CPE: variants seen among roughly 807,000 people sequenced by gnomAD.
The protein encoded by CPE is carbocypeptidase E.
CPE carries 17 observed loss-of-function variants against 53.5 expected under a neutral mutation model. The ratio of observed to expected loss-of-function variants is 0.32; its 90% CI spans 0.22 to 0.48. The LOEUF (loss-of-function observed/expected upper bound fraction) is 0.48, where lower values mean the gene tolerates loss of function less well. Among genes scored for constraint, CPE ranks in the 20% least tolerant of loss-of-function variants. The probability of loss-of-function intolerance (pLI) is 0.99; values close to 1 mark genes in which losing one functional copy is unlikely to be tolerated. For missense variants in CPE, 524 were observed against 614.7 expected (o/e 0.85, Z 1.56); for synonymous variants, 226 against 228.8 (o/e 0.99, Z 0.11).
intron 1 of CPE, among the ~76,000 whole-genome samples, chr4:165,401,728 T>C (rs1579244448): frequency 6.6e-6 from 1 of 152,182 alleles, no homozygotes; most frequent in African/African-American, 2.4e-5. Flanking sequence ...TGAAATACTT[T>C]TGGAAAGATT....
At chr4:165,473,144 AAT>A (rs1269976837) in intron 3 of CPE, among the ~76,000 whole-genome samples, 1 of 152,232 alleles carries the variant, frequency 6.6e-6, no homozygotes, top group Non-Finnish European at 1.5e-5. Context: ...ACTTTTTAAA[AAT>A]AAATTCTCTT....
chr4:165,497,135 G>T (rs538580493), intron 8 of CPE, among the ~76,000 whole-genome samples: 1 of 152,024 alleles, frequency 6.6e-6, no homozygotes, highest in Non-Finnish European at 1.5e-5. Flanking sequence ...TTGGTCAGGC[G>T]GGCCTCGAAT....
rs1730601486 is a variant in CPE at position 165,386,861 on chromosome 4, A to G, written c.307+7333A>G. 5.9e-5 allele frequency among the ~76,000 whole-genome samples: 9 copies of G among 152,274 alleles called. No individual in the cohort carries two copies. The South Asian group carries it at 1.9e-3, about 32-fold the overall frequency. ...TGTGTGCTTGTTTTTAACACAGAAGATATGTATCTCCAGGTTTTCATTTTC... is the reference window on the plus strand; with the variant it reads ...TGTGTGCTTGTTTTTAACACAGAAGGTATGTATCTCCAGGTTTTCATTTTC... On this transcript the variant is annotated intron_variant, in intron 1 of 8. Coordinates refer to ENST00000402744, the MANE Select transcript of CPE (RefSeq NM_001873.4).
At chr4:165,471,890 A>G (rs955188568) in intron 3 of CPE, among the ~76,000 whole-genome samples, 6 of 152,236 alleles carry the variant, frequency 3.9e-5, no homozygotes, top group African/African-American at 9.6e-5. Context: ...TGGTAAAATA[A>G]CCAGTTTCTC....
At chr4:165,468,112 G>A (rs1164512579) in intron 3 of CPE, among the ~76,000 whole-genome samples, 1 of 152,066 alleles carries the variant, frequency 6.6e-6, no homozygotes, top group Non-Finnish European at 1.5e-5. Flanking sequence ...AAATCACCAT[G>A]GCCTTCTCAG....
intron 3 of CPE, among the ~76,000 whole-genome samples, chr4:165,479,590 TTAACA>T (rs1211290909): frequency 6.6e-6 from 1 of 152,214 alleles, no homozygotes; most frequent in African/African-American, 2.4e-5. Flanking sequence ...TGTTATGTAC[TTAACA>T]TAAATATCTT....
intron 1 of CPE, chr4:165,405,108 A>T (rs148124127): frequency 0.017 from 12,305 of 739,338 alleles, 172 homozygotes; most frequent in Non-Finnish European, 0.02. Flanking sequence ...CTTTCAAATG[A>T]CGTTAGAGCT....
chr4:165,472,510 G>A (rs1732226478), intron 3 of CPE, among the ~76,000 whole-genome samples: 1 of 152,142 alleles, frequency 6.6e-6, no homozygotes, highest in Non-Finnish European at 1.5e-5. Flanking sequence ...CAGAATTATA[G>A]GAGCTTTGTA....
intron 1 of CPE, among the ~76,000 whole-genome samples, chr4:165,385,980 C>G (rs1450367512): frequency 1.3e-5 from 2 of 152,154 alleles, no homozygotes; most frequent in African/African-American, 4.8e-5. Flanking sequence ...TTTCTTTATG[C>G]TTCCATATTT....
intron 3 of CPE, among the ~76,000 whole-genome samples, chr4:165,477,561 T>C (rs1343742131): frequency 6.6e-6 from 1 of 152,166 alleles, no homozygotes; most frequent in Non-Finnish European, 1.5e-5. Context: ...ATTAATGTTA[T>C]TATACATTCC....
At chr4:165,489,007 T>C (rs1429409069) in intron 6 of CPE, among the ~76,000 whole-genome samples, 1 of 152,244 alleles carries the variant, frequency 6.6e-6, no homozygotes, top group African/African-American at 2.4e-5. Context: ...GGATTCTTTT[T>C]AAATCAATGG....
At chr4:165,387,888 C>A (rs916246613) in intron 1 of CPE, among the ~76,000 whole-genome samples, 1 of 152,174 alleles carries the variant, frequency 6.6e-6, no homozygotes, top group Non-Finnish European at 1.5e-5. Context: ...TCCCAAAGTG[C>A]TGGGATTACA....
At chr4:165,397,998 G>A (rs900666030) in intron 1 of CPE, among the ~76,000 whole-genome samples, 3 of 148,566 alleles carry the variant, frequency 2.0e-5, no homozygotes, top group Admixed American at 6.8e-5. Context: ...GCTGCAGTGG[G>A]CTATGATTGC....
chr4:165,493,211 G>C lies in CPE; in HGVS notation c.1154G>C (p.Gly385Ala). The C allele has an allele frequency of 1.2e-6, 2 of 1,614,042 alleles. No individual in the cohort carries two copies. Among genetic ancestry groups the C allele is most frequent in the Non-Finnish European group, 1.7e-6 (2 of 1,179,956 alleles). Reference protein sequence around the residue: ...GVKGFVRDLQGNPIANATISV... With the variant: ...GVKGFVRDLQANPIANATISV... ...AAAGGATTTGTCCGAGACCTTCAAG[G>C]TAACCCAATTGCGAATGCCACCATC... The change falls in exon 7 of 9, where the codon GGT becomes GCT. Residue 385 changes from glycine to alanine, a missense_variant. Gly to Ala is a moderately conservative substitution (Grantham distance 60, BLOSUM62 0). Transcript: ENST00000402744.
In CPE at chr4:165,417,776, T is replaced by TA. The variant is rs1202386046; in HGVS notation, c.307+38262dup. On this transcript the variant is annotated intron_variant, in intron 1 of 8. Coordinates refer to ENST00000402744, the MANE Select transcript of CPE (RefSeq NM_001873.4). Reference sequence around the variant, plus strand: ...TACAACTTTAATATTTTGTCTGTCTTAAAAAAAAAAAAAAGACATTAAATC... The same window carrying TA: ...TACAACTTTAATATTTTGTCTGTCTTAAAAAAAAAAAAAAAGACATTAAATC... 1.3e-3 allele frequency among the ~76,000 whole-genome samples: 171 copies of TA among 127,248 alleles called. 2 individuals carry two copies. The highest frequency in any genetic ancestry group is 6.4e-3 in the Admixed American group (82 of 12,824). 83.5% of individuals were successfully genotyped at this position (127,248 alleles called of 152,430 possible).
rs764335677 is a variant in CPE, at chr4:165,495,648, G to A, written c.1303G>A (p.Val435Met). 6.2e-7 allele frequency: 1 copy of A among 1,613,628 alleles called. No homozygotes were observed. Among genetic ancestry groups the A allele is most frequent in the Non-Finnish European group, 8.5e-7 (1 of 1,179,752 alleles). Residue 435 changes from valine (V) to methionine (M), a missense_variant, in exon 8 of 9, where the codon GTG (valine) becomes ATG (methionine). Val to Met is a conservative substitution (Grantham distance 21). Transcript: ENST00000402744. ...AGGCTATCTGGCAATAACAAAGAAA[G>A]TGGCAGTTCCTTACAGCCCTGCTGC... is the stretch of plus-strand genomic sequence containing the variant. Reference protein sequence around the residue: ...APGYLAITKKVAVPYSPAAGV... With the variant: ...APGYLAITKKMAVPYSPAAGV...
At chr4:165,424,837 G>GT (rs1418139462) in intron 1 of CPE, among the ~76,000 whole-genome samples, 1 of 148,910 alleles carries the variant, frequency 6.7e-6, no homozygotes, top group Non-Finnish European at 1.5e-5. Flanking sequence ...CCCGGCCCAT[G>GT]TTTTTTACTT....
chr4:165,423,777 A>G lies in CPE; in HGVS notation c.308-40613A>G, dbSNP rs368739236. Among the ~76,000 whole-genome samples, 68 of 145,518 alleles carry G rather than the reference A, an allele frequency of 4.7e-4. No individual in the cohort carries two copies. The South Asian group carries it at 9.7e-3, about 21-fold the overall frequency. On this transcript the variant is annotated intron_variant, in intron 1 of 8. Coordinates refer to ENST00000402744, the MANE Select transcript of CPE (RefSeq NM_001873.4). ...CATTTAGCATTAGGTATATCTCCCA[A>G]TGCTATCCCTCCCCCCTCCCCCCAC... is the stretch of plus-strand genomic sequence containing the variant.
At chr4:165,406,058 C>T in intron 1 of CPE, 1 of 758,846 alleles carries the variant, frequency 1.3e-6, no homozygotes, top group Non-Finnish European at 2.5e-6. Context: ...AATAAAGCAG[C>T]CTGGCTTTGG....
Sources: allele counts gnomAD v4.1 joint callset (sites outside exome capture counted in the v4.1 genomes callset), GRCh38; gene constraint gnomAD v4.1.1; transcripts MANE v1.5; gene names NCBI Gene and HGNC (gene_info 2026-07-23, HGNC 2026-07-21).